TRPM6: variants seen among roughly 807,000 people sequenced by gnomAD.
TRPM6 encodes the protein channel kinase 2.
TRPM6 carries 111 observed loss-of-function variants against 247.6 expected under a neutral mutation model. The ratio of observed to expected loss-of-function variants is 0.45; its 90% CI spans 0.38 to 0.52. The LOEUF is 0.52. Among genes scored for constraint, TRPM6 ranks in the 20% least tolerant of loss-of-function variants. The probability of loss-of-function intolerance (pLI) is 0.00; values close to 1 mark genes in which losing one functional copy is unlikely to be tolerated. For missense variants in TRPM6, 2,126 were observed against 2,421.5 expected (o/e 0.88, Z 2.56); for synonymous variants, 892 against 853.8 (o/e 1.04, Z -0.78).
At chr9:74,746,149 G>A (rs529092402) in intron 31 of TRPM6, among the ~76,000 whole-genome samples, 25 of 151,774 alleles carry the variant, frequency 1.6e-4, no homozygotes, top group African/African-American at 4.8e-4. Context: ...TGAGGCAGGA[G>A]AATGGCATGA....
At chr9:74,801,574 C>T (rs1398510113) in intron 16 of TRPM6, among the ~76,000 whole-genome samples, 1 of 152,062 alleles carries the variant, frequency 6.6e-6, no homozygotes, top group African/African-American at 2.4e-5. Context: ...GCATCAAAGA[C>T]TTCTAGAGTT....
At chr9:74,744,001 TCAGTAACA>T in intron 32 of TRPM6, 86 bp downstream of exon 32, 3 of 1,237,704 alleles carry the variant, frequency 2.4e-6, no homozygotes, top group Non-Finnish European at 2.4e-6. Context: ...GCGAGCCATG[TCAGTAACA>T]CAGAATTTGT....
chr9:74,810,234 A>G (rs1316659014), intron 13 of TRPM6, among the ~76,000 whole-genome samples: 3 of 152,328 alleles, frequency 2.0e-5, no homozygotes, highest in African/African-American at 7.2e-5. Context: ...AAAGTTTGTT[A>G]AAGTTGGAAG....
chr9:74,821,821 C>A lies in TRPM6; in HGVS notation c.858G>T (p.Val286=), dbSNP rs527533154. The change falls in exon 8 of 39, where the codon GTG becomes GTT. Residue 286 remains valine, a synonymous_variant. Coordinates refer to ENST00000360774, the MANE Select transcript of TRPM6 (RefSeq NM_017662.5). ...QKIHCRSRQG[V]PVVGLVVEGG... The stretch of plus-strand genomic sequence containing the variant: ...CTTCCACCACCAGCCCCACGACCGG[C>A]ACGCCTTGTCTTGAGCCTATTCCAG... The A allele has an allele frequency of 1.2e-6, 2 of 1,614,144 alleles. No individual in the cohort carries two copies. Among genetic ancestry groups the A allele is most frequent in the South Asian group, 2.2e-5 (2 of 91,084 alleles).
chr9:74,853,185 G>C (rs530629313), intron 3 of TRPM6, among the ~76,000 whole-genome samples: 1 of 151,264 alleles, frequency 6.6e-6, no homozygotes, highest in African/African-American at 2.4e-5. Context: ...CGGCCGCCCC[G>C]TCTGAGAAGT....
chr9:74,779,722 G>A (rs1293829138), intron 23 of TRPM6, among the ~76,000 whole-genome samples: 6 of 152,236 alleles, frequency 3.9e-5, no homozygotes, highest in African/African-American at 7.2e-5. Context: ...TGAGCAAGAC[G>A]AGAAGAGGTG....
At chr9:74,856,271 TC>T (rs1479274186) in intron 2 of TRPM6, among the ~76,000 whole-genome samples, 1 of 152,010 alleles carries the variant, frequency 6.6e-6, no homozygotes, top group Non-Finnish European at 1.5e-5. Context: ...AGACCTTGAC[TC>T]TTATAAAAAT....
chr9:74,782,523 G>A (rs751838507), intron 22 of TRPM6, 47 bp from the exon 23 acceptor site: 12 of 1,506,398 alleles, frequency 8.0e-6, no homozygotes, highest in South Asian at 4.6e-5. Flanking sequence ...ATGAATCACA[G>A]TCCTGCCACT....
At chr9:74,769,966 T>C (rs756332791) in intron 25 of TRPM6, among the ~76,000 whole-genome samples, 18 of 152,256 alleles carry the variant, frequency 1.2e-4, no homozygotes, top group South Asian at 8.3e-4. Flanking sequence ...TGAGCATAGC[T>C]ATAAAGGGGC....
chr9:74,858,797 A>G (rs1830607123), intron 1 of TRPM6, 49 bp from the exon 2 acceptor site: 5 of 1,456,044 alleles, frequency 3.4e-6, no homozygotes, highest in Non-Finnish European at 4.8e-6. Context: ...TGACAAAACA[A>G]TGTAACCATA....
chr9:74,777,884 G>A (rs1827280660), intron 23 of TRPM6, among the ~76,000 whole-genome samples: 2 of 152,092 alleles, frequency 1.3e-5, no homozygotes, highest in Admixed American at 6.6e-5. Context: ...TTTTCTTTAA[G>A]AACAAACAAA....
rs1463576842 is a variant in TRPM6 at position 74,722,698 on chromosome 9, T to C, written c.*1915A>G. The C allele has an allele frequency of 6.6e-6, 1 of 152,164 alleles. No individual in the cohort carries two copies. The highest frequency in any genetic ancestry group is 1.5e-5 in the Non-Finnish European group (1 of 68,038). 9.4% of individuals were successfully genotyped at this position (152,164 alleles called of 1,614,324 possible). ...AAGTTGTTAAGTCCCCAAAAAAGTA[T>C]TAACATTTTATCCTCATTGCCAATC... On this transcript the variant is annotated 3_prime_UTR_variant, in exon 39 of 39. Coordinates refer to ENST00000360774, the MANE Select transcript of TRPM6 (RefSeq NM_017662.5).
intron 1 of TRPM6, among the ~76,000 whole-genome samples, chr9:74,860,104 TAGAA>T: frequency 6.6e-6 from 1 of 152,130 alleles, no homozygotes; most frequent in Non-Finnish European, 1.5e-5. Flanking sequence ...TTAAGTAAAA[TAGAA>T]AGGAGAAAAA....
chr9:74,786,175 C>A (rs780119895), intron 20 of TRPM6, 50 bp from the exon 21 acceptor site: 7 of 1,598,460 alleles, frequency 4.4e-6, no homozygotes, highest in Non-Finnish European at 6.0e-6. Flanking sequence ...ACCAAAGAAT[C>A]CCATCAATAT....
chr9:74,731,652 T>G (rs1825525227), intron 37 of TRPM6, among the ~76,000 whole-genome samples: 1 of 150,074 alleles, frequency 6.7e-6, no homozygotes, highest in Admixed American at 6.7e-5. Context: ...GGAGGGAAAG[T>G]AAAAATTTCA....
chr9:74,793,107 T>C (rs1196717947), intron 18 of TRPM6, among the ~76,000 whole-genome samples: 1 of 152,060 alleles, frequency 6.6e-6, no homozygotes, highest in Non-Finnish European at 1.5e-5. Flanking sequence ...AGTGAGCCGA[T>C]ATCATGCCAC....
chr9:74,728,525 C>CT (rs1271013846), intron 37 of TRPM6, among the ~76,000 whole-genome samples, 180 bp from the exon 38 acceptor site: 3 of 152,192 alleles, frequency 2.0e-5, no homozygotes, highest in African/African-American at 7.2e-5. Context: ...TTCAAATGCA[C>CT]TTAAATCTTT....
intron 25 of TRPM6, among the ~76,000 whole-genome samples, chr9:74,771,307 T>G (rs1827027199): frequency 1.3e-5 from 2 of 152,230 alleles, no homozygotes; most frequent in South Asian, 4.1e-4. Context: ...GCTACTTTAT[T>G]TTTCTTCATA....
chr9:74,759,445 C>A (rs983174912), intron 27 of TRPM6, among the ~76,000 whole-genome samples: 1 of 151,942 alleles, frequency 6.6e-6, no homozygotes, highest in African/African-American at 2.4e-5. Flanking sequence ...TAATTTTTGA[C>A]AAAGATGTCA....
Sources: allele counts gnomAD v4.1 joint callset (sites outside exome capture counted in the v4.1 genomes callset), GRCh38; gene constraint gnomAD v4.1.1; transcripts MANE v1.5; gene names NCBI Gene and HGNC (gene_info 2026-07-23, HGNC 2026-07-21).